Variants in CD8B observed in about 807,000 individuals in gnomAD.
CD8B encodes the protein CD8 subunit beta.
A neutral mutation model predicts 24.2 loss-of-function variants in CD8B; 6 were observed. The observed-to-expected ratio is 0.25, with a 90% confidence interval of 0.14 to 0.49. The LOEUF (loss-of-function observed/expected upper bound fraction) is 0.49. Ranked by LOEUF, CD8B falls within the 20% of genes least tolerant of loss-of-function variation. CD8B has a pLI of 0.98. For missense variants in CD8B, 196 were observed against 271.3 expected (o/e 0.72, Z 1.95); for synonymous variants, 84 against 108.3 (o/e 0.78, Z 1.39).
At chr2:86,847,835 G>A (rs538415988) in intron 3 of CD8B, among the ~76,000 whole-genome samples, 21 of 152,224 alleles carry the variant, frequency 1.4e-4, no homozygotes, top group Admixed American at 1.3e-3. Flanking sequence ...CAAAGTGCTG[G>A]GATTACAGGT....
At position 86,859,682 on chromosome 2, in the gene CD8B, T is replaced by C. The variant is rs181635401; in HGVS notation, c.44-1266A>G. ...AGCTTCCAACAAACACAATCTGACC[T>C]GGTGAGCCCTTCATTTTGGCTGTGG... On this transcript the variant is annotated intron_variant, in intron 1 of 5. Coordinates refer to ENST00000390655, the MANE Select transcript of CD8B (RefSeq NM_004931.5). Among the ~76,000 whole-genome samples the C allele has an allele frequency of 2.3e-3, 349 of 151,230 alleles. 9 individuals carry two copies. The highest frequency in any genetic ancestry group is 0.02 in the Admixed American group (297 of 15,186).
chr2:86,853,267 C>G (rs1676065959), intron 2 of CD8B, among the ~76,000 whole-genome samples, 181 bp from the exon 3 acceptor site: 1 of 151,564 alleles, frequency 6.6e-6, no homozygotes, highest in South Asian at 2.1e-4. Context: ...CATGGTGAAA[C>G]CCCCTCTCTA....
intron 5 of CD8B, among the ~76,000 whole-genome samples, chr2:86,843,142 C>T (rs2104543272): frequency 6.6e-6 from 1 of 152,200 alleles, no homozygotes; most frequent in South Asian, 2.1e-4. Flanking sequence ...GCCCAGGCTG[C>T]AGCGGAATGG....
chr2:86,829,246 A>G (rs1460581003), intron 5 of CD8B, among the ~76,000 whole-genome samples: 6 of 151,866 alleles, frequency 4.0e-5, no homozygotes, highest in African/African-American at 1.5e-4. Context: ...AGCTGGGACT[A>G]CAGGTGCATG....
chr2:86,858,107 A>G lies in CD8B; in HGVS notation c.353T>C (p.Ile118Thr). 1.9e-6 allele frequency: 3 copies of G among 1,613,980 alleles called. No individual in the cohort carries two copies. Among genetic ancestry groups the G allele is most frequent in the Non-Finnish European group, 2.5e-6 (3 of 1,179,866 alleles). ...PEDSGIYFCM[I>T]VGSPELTFGK... The stretch of plus-strand genomic sequence containing the variant: ...GAAGGTCAGCTCGGGGCTCCCGACG[A>G]TCATGCAGAAGTAGATGCCACTGTC... Residue 118 changes from isoleucine (I) to threonine (T), a missense_variant, in exon 2 of 6, where the codon ATC (isoleucine) becomes ACC (threonine). By Grantham distance (89) the Ile-to-Thr change is moderately conservative (BLOSUM62 -1). Transcript: ENST00000390655.
chr2:86,849,789 C>T (rs1422455594), intron 3 of CD8B, among the ~76,000 whole-genome samples: 15 of 151,300 alleles, frequency 9.9e-5, no homozygotes, highest in African/African-American at 3.4e-4. Context: ...CCACAACCTC[C>T]GCCTCCTGGG....
At chr2:86,837,121 C>T (rs1164834484), downstream of CD8B, among the ~76,000 whole-genome samples, 5 of 152,248 alleles carry the variant, frequency 3.3e-5, no homozygotes, top group South Asian at 8.3e-4. Context: ...TGCGCCACTA[C>T]ACTCCACCCT....
rs1195647331 is a variant in CD8B, at chr2:86,838,604, TCCTC to T, written c.*3699_*3702del. On this transcript the variant is annotated 3_prime_UTR_variant, in exon 6 of 6. Transcript: ENST00000390655. ...GTCTGAAACTCCTGGGGTCAGGAGA[TCCTC>T]CCACCTCATCCTCCCTAATAGCTGG... 3.9e-5 allele frequency among the ~76,000 whole-genome samples: 6 copies of T among 152,086 alleles called. No individual in the cohort carries two copies. Among genetic ancestry groups the T allele is most frequent in the Non-Finnish European group, 2.9e-5 (2 of 68,012 alleles).
At chr2:86,824,284 T>G (rs1674593392) in intron 5 of CD8B, among the ~76,000 whole-genome samples, 1 of 152,110 alleles carries the variant, frequency 6.6e-6, no homozygotes, top group Non-Finnish European at 1.5e-5. Flanking sequence ...AGGCTGAGGC[T>G]CAGATCAATG....
chr2:86,848,599 A>T (rs1437267121), intron 3 of CD8B, among the ~76,000 whole-genome samples: 1 of 152,000 alleles, frequency 6.6e-6, no homozygotes, highest in Non-Finnish European at 1.5e-5. Flanking sequence ...AGCATTGTGG[A>T]TGTCAAGGAA....
chr2:86,845,555 C>T (rs186784634), intron 4 of CD8B, among the ~76,000 whole-genome samples: 3 of 152,322 alleles, frequency 2.0e-5, no homozygotes, highest in Admixed American at 6.5e-5. Flanking sequence ...CTCAGCCTCT[C>T]GAGTACGGGC....
chr2:86,821,482 A>G (rs1184125011), intron 5 of CD8B, among the ~76,000 whole-genome samples: 1 of 152,176 alleles, frequency 6.6e-6, no homozygotes, highest in Non-Finnish European at 1.5e-5. Flanking sequence ...GTGGCGGGGA[A>G]GCAACATGGG....
chr2:86,822,760 T>A (rs1464076382), intron 5 of CD8B, among the ~76,000 whole-genome samples: 1 of 152,172 alleles, frequency 6.6e-6, no homozygotes, highest in Non-Finnish European at 1.5e-5. Context: ...CAGAGAGCAA[T>A]GTTCAGTGCA....
intron 3 of CD8B, among the ~76,000 whole-genome samples, chr2:86,848,606 G>GGAAGAGAGA (rs1326184077): frequency 6.6e-6 from 1 of 151,660 alleles, no homozygotes. Context: ...TGGATGTCAA[G>GGAAGAGAGA]GAAGAGAGAG....
chr2:86,858,021 T>G, intron 2 of CD8B, 36 bp downstream of exon 2: 2 of 1,600,750 alleles, frequency 1.2e-6, no homozygotes, highest in Non-Finnish European at 1.7e-6. Context: ...TGGCACACAA[T>G]CGGTGCTCAC....
chr2:86,818,029 A>G (rs113880094), intron 5 of CD8B, among the ~76,000 whole-genome samples: 13,736 of 151,962 alleles, frequency 0.09, 1,939 homozygotes, highest in African/African-American at 0.3. Context: ...GGCCAACATG[A>G]TGAAACCCTG....
intron 5 of CD8B, among the ~76,000 whole-genome samples, chr2:86,827,212 G>A (rs1348088610): frequency 6.6e-6 from 1 of 151,834 alleles, no homozygotes; most frequent in African/African-American, 2.4e-5. Context: ...TTGTTTATGA[G>A]TGATTCTTGG....
Position 86,846,929 on chromosome 2 carries a change from T to C in CD8B, c.494-156A>G, listed in dbSNP as rs1199912702. On this transcript the variant is annotated intron_variant, in intron 3 of 5. Transcript: ENST00000390655. ...ATGTAATGTATTTTTCCTCAAGTAT[T>C]TTTTTTTTTTTTTTTTTTTTTTTTT... 1.0e-3 allele frequency among the ~76,000 whole-genome samples: 115 copies of C among 112,442 alleles called. 25 individuals are homozygous for C. Among genetic ancestry groups the C allele is most frequent in the Middle Eastern group, 3.9e-3 (1 of 256 alleles). The allele number at this position is 112,442 out of a possible 152,430, so 73.8% of individuals were successfully genotyped here. A position where few individuals can be genotyped will look rare whatever the true frequency, so the allele number is the denominator to read the frequency against.
chr2:86,829,842 T>C (rs538746658), intron 5 of CD8B, among the ~76,000 whole-genome samples: 66 of 149,146 alleles, frequency 4.4e-4, no homozygotes, highest in Non-Finnish European at 8.5e-4. Flanking sequence ...CCCCATGACA[T>C]TTAACACATG....
Sources: gnomAD v4.1 joint callset for allele counts (sites outside exome capture counted in the v4.1 genomes callset) on GRCh38, gnomAD v4.1.1 for gene constraint, MANE v1.5 for transcripts, NCBI Gene and HGNC (gene_info 2026-07-23, HGNC 2026-07-21) for gene names.